The following LNX1 variants were observed in gnomAD, a reference collection of about 807,000 sequenced individuals.
LNX1 encodes E3 ubiquitin-protein ligase LNX.
LNX1 carries 54 observed loss-of-function variants against 68.4 expected under a neutral mutation model. The ratio of observed to expected loss-of-function variants is 0.79; its 90% CI spans 0.63 to 0.99. LNX1 has a LOEUF of 0.99. LNX1 is among the 50% of genes least tolerant of loss of function. LNX1 has a pLI of 0.00. For synonymous variants in LNX1, 336 were observed against 350.0 expected, an observed-to-expected ratio of 0.96 and a Z score of 0.45; for missense variants, 906 against 926.4, an observed-to-expected ratio of 0.98 and a Z score of 0.29.
intron 2 of LNX1, among the ~76,000 whole-genome samples, chr4:53,520,125 C>T (rs1399548432): frequency 2.0e-5 from 3 of 152,310 alleles, no homozygotes; most frequent in Non-Finnish European, 4.4e-5. Flanking sequence ...TCCCAGTGTG[C>T]GCTCATCTGG....
chr4:53,575,266 GC>G (rs1166557745), intron 1 of LNX1, among the ~76,000 whole-genome samples: 2 of 152,194 alleles, frequency 1.3e-5, no homozygotes, highest in African/African-American at 2.4e-5. Context: ...ACAGGTGTGA[GC>G]CCCCATGCCC....
chr4:53,562,562 C>T (rs546788258), intron 2 of LNX1, among the ~76,000 whole-genome samples: 1 of 152,256 alleles, frequency 6.6e-6, no homozygotes, highest in South Asian at 2.1e-4. Flanking sequence ...GTATTGTTTA[C>T]AAATGAAACG....
intron 1 of LNX1, among the ~76,000 whole-genome samples, chr4:53,590,626 G>T (rs1732453221): frequency 6.6e-6 from 1 of 152,056 alleles, no homozygotes; most frequent in Non-Finnish European, 1.5e-5. Context: ...GCTATTAAAA[G>T]AAAAAGAGAC....
chr4:53,504,122 G>A (rs1019210114), intron 4 of LNX1, among the ~76,000 whole-genome samples: 1 of 152,136 alleles, frequency 6.6e-6, no homozygotes, highest in Non-Finnish European at 1.5e-5. Flanking sequence ...GCTACAGAGC[G>A]AGCGAGACTC....
At chr4:53,506,875 A>AAAAAAAAAAAAAAAAG (rs1725927061) in intron 4 of LNX1, among the ~76,000 whole-genome samples, 3 of 149,146 alleles carry the variant, frequency 2.0e-5, no homozygotes, top group South Asian at 2.1e-4. Flanking sequence ...AAAAAAAAAA[A>AAAAAAAAAAAAAAAAG]GAGGAATAAT....
rs112411912 is a variant in LNX1, at chr4:53,647,107, G to C, written c.-215+5061C>G. On this transcript the variant is annotated intron_variant, in intron 1 of 2. Coordinates refer to the LNX1 transcript ENST00000507168. ...TTAGGTGGATGCTTCATCTGACAGA[G>C]GCTGTGACCTCTAATTCACATGCAG... Among the ~76,000 whole-genome samples the C allele has an allele frequency of 7.0e-3, 1,066 of 152,308 alleles. 7 individuals are homozygous for C. Among genetic ancestry groups the C allele is most frequent in the Non-Finnish European group, 9.9e-3 (672 of 68,040 alleles).
In LNX1 at chr4:53,642,454, G is replaced by T. The variant is rs143350032; in HGVS notation, c.-215+9714C>A. ...CTCAATGTGGGGCCTAGGACAAAGG[G>T]TCTCCTGGCCATTGACCACTTTGTG... is the stretch of plus-strand genomic sequence containing the variant. On this transcript the variant is annotated intron_variant, in intron 1 of 2. Transcript: ENST00000507168. Among the ~76,000 whole-genome samples the T allele has an allele frequency of 3.6e-3, 546 of 152,252 alleles. 3 individuals carry two copies. Among genetic ancestry groups the T allele is most frequent in the African/African-American group, 0.012 (518 of 41,554 alleles).
At chr4:53,519,438 GTTT>G (rs36120084) in intron 2 of LNX1, among the ~76,000 whole-genome samples, 8 of 128,542 alleles carry the variant, frequency 6.2e-5, no homozygotes, top group South Asian at 2.6e-4. Context: ...TTTGTTCAGT[GTTT>G]TTTTTTTTTT....
chr4:53,553,419 C>T (rs1264426850), intron 2 of LNX1, among the ~76,000 whole-genome samples: 1 of 152,144 alleles, frequency 6.6e-6, no homozygotes, highest in Admixed American at 6.6e-5. Flanking sequence ...TGATTTAGAG[C>T]CCTCCAAATC....
intron 2 of LNX1, among the ~76,000 whole-genome samples, chr4:53,543,297 G>T (rs567253158): frequency 4.6e-5 from 7 of 152,240 alleles, no homozygotes; most frequent in African/African-American, 1.4e-4. Flanking sequence ...TTTATTTCAT[G>T]CCACTTATTT....
chr4:53,500,336 T>C (rs1273306495), intron 4 of LNX1: 4 of 151,852 alleles, frequency 2.6e-5, no homozygotes, highest in East Asian at 3.9e-4. Context: ...CACACCTAGC[T>C]TGGTGGAAAA....
chr4:53,575,751 T>A, intron 1 of LNX1: 1 of 1,554,188 alleles, frequency 6.4e-7, no homozygotes, highest in Non-Finnish European at 8.7e-7. Flanking sequence ...TATTGCATCA[T>A]CCTGGTGGTA....
rs1406842489 is a variant in LNX1, at chr4:53,459,981, T to G, written c.*926A>C. The G allele has an allele frequency of 4.7e-6, 1 of 212,994 alleles. No homozygotes were observed. The highest frequency in any genetic ancestry group is 9.5e-6 in the Non-Finnish European group (1 of 105,432). The allele number at this position is 212,994 out of a possible 1,614,324, so 13.2% of individuals were successfully genotyped here. ...CAATATTCTAAATTTGGGTTCCTGG[T>G]GAAACCAAATGGGGTACACTTTCAT... On this transcript the variant is annotated 3_prime_UTR_variant, in exon 11 of 11. Transcript: ENST00000263925.
intron 2 of LNX1, 127 bp from the exon 3 acceptor site, chr4:53,508,354 C>T (rs1401891618): frequency 2.1e-5 from 24 of 1,125,254 alleles, no homozygotes; most frequent in Non-Finnish European, 2.9e-5. Context: ...GATTTGCCTG[C>T]CGCTATATCC....
At chr4:53,581,307 A>G (rs749857405) in intron 1 of LNX1, among the ~76,000 whole-genome samples, 2 of 152,180 alleles carry the variant, frequency 1.3e-5, no homozygotes, top group Admixed American at 6.5e-5. Context: ...GAGTAGGTAT[A>G]TCAAAACTTA....
intron 2 of LNX1, among the ~76,000 whole-genome samples, chr4:53,608,077 A>G (rs2616404): frequency 0.42 from 63,983 of 151,934 alleles, 13,435 homozygotes; most frequent in Admixed American, 0.45. Flanking sequence ...CATTAAGAAG[A>G]TGCCATAAGC....
At chr4:53,597,811 C>T (rs1464620602) in intron 2 of LNX1, among the ~76,000 whole-genome samples, 1 of 152,192 alleles carries the variant, frequency 6.6e-6, no homozygotes, top group East Asian at 1.9e-4. Context: ...TTTTCTCAAA[C>T]TATCCTGAAC....
At chr4:53,600,999 A>AC (rs1320011617) in intron 2 of LNX1, among the ~76,000 whole-genome samples, 1 of 135,000 alleles carries the variant, frequency 7.4e-6, no homozygotes, top group Admixed American at 8.0e-5. Flanking sequence ...AATCACTTGA[A>AC]CCCGGGAGGC....
intron 9 of LNX1, among the ~76,000 whole-genome samples, chr4:53,466,766 G>A (rs1722718720): frequency 6.6e-6 from 1 of 152,248 alleles, no homozygotes; most frequent in Non-Finnish European, 1.5e-5. Flanking sequence ...GTGCAAGGTG[G>A]CAGCAAGGCT....
Sources: gnomAD v4.1 joint callset for allele counts (sites outside exome capture counted in the v4.1 genomes callset) on GRCh38, gnomAD v4.1.1 for gene constraint, MANE v1.5 for transcripts, NCBI Gene and HGNC (gene_info 2026-07-23, HGNC 2026-07-21) for gene names.